EXOG: variants seen among roughly 807,000 people sequenced by gnomAD.
The protein encoded by EXOG is exo/endonuclease G, also known as nuclease EXOG, mitochondrial.
In EXOG, 27 loss-of-function variants were observed where a neutral mutation model predicts 25.8. The observed-to-expected ratio is 1.05, with a 90% confidence interval of 0.77 to 1.45. EXOG has a LOEUF of 1.45. Among genes scored for constraint, EXOG ranks in the 40% most tolerant of loss-of-function variants. The pLI is 0.00. For synonymous variants in EXOG, 133 were observed against 167.0 expected, an observed-to-expected ratio of 0.80 and a Z score of 1.57; for missense variants, 458 against 450.5, an observed-to-expected ratio of 1.02 and a Z score of -0.15.
intron 5 of EXOG, among the ~76,000 whole-genome samples, chr3:38,512,640 A>G (rs1050915688): frequency 3.3e-5 from 5 of 152,146 alleles, no homozygotes; most frequent in Admixed American, 2.0e-4. Context: ...TTGATCTACC[A>G]TTTATACTTG....
Position 38,501,446 on chromosome 3 carries a change from G to A in EXOG, c.405G>A (p.Gly135=). The change falls in exon 3 of 6, where the codon GGG becomes GGA. Residue 135 remains glycine, a synonymous_variant. Transcript: ENST00000287675. The stretch of plus-strand genomic sequence containing the variant: ...TCAATGAAGATTATGTTGGAAGTGG[G>A]TGGTCACGAGGACACATGGCTCCAG... ...SAFNEDYVGS[G]WSRGHMAPAG... The A allele has an allele frequency of 6.2e-7, 1 of 1,613,950 alleles. No individual in the cohort carries two copies. Among genetic ancestry groups the A allele is most frequent in the Non-Finnish European group, 8.5e-7 (1 of 1,179,860 alleles).
intron 4 of EXOG, chr3:38,505,369 G>T (rs1449928283): frequency 6.6e-6 from 1 of 151,638 alleles, no homozygotes; most frequent in Non-Finnish European, 1.5e-5. Flanking sequence ...TCGCATACCT[G>T]TGGAAGCATT....
chr3:38,521,112 TAGAC>T (rs1343571805), intron 5 of EXOG, among the ~76,000 whole-genome samples: 1 of 152,222 alleles, frequency 6.6e-6, no homozygotes, highest in Non-Finnish European at 1.5e-5. Context: ...GTCCCTATAT[TAGAC>T]AGATTAAAGA....
intron 5 of EXOG, chr3:38,523,118 A>G (rs1469590260): frequency 2.2e-6 from 2 of 902,640 alleles, no homozygotes; most frequent in African/African-American, 3.4e-5. Flanking sequence ...TCTAAGGGCT[A>G]TCTGTTTAGT....
At chr3:38,518,797 C>CA (rs1414521546) in intron 5 of EXOG, among the ~76,000 whole-genome samples, 10 of 152,020 alleles carry the variant, frequency 6.6e-5, no homozygotes, top group Non-Finnish European at 1.3e-4. Context: ...TACACCCTTA[C>CA]AAAAAAAGTA....
intron 1 of EXOG, chr3:38,497,281 C>T: frequency 9.7e-7 from 1 of 1,028,696 alleles, no homozygotes; most frequent in Non-Finnish European, 1.2e-6. Flanking sequence ...AAAACAGTAC[C>T]AGTTTTACTG....
At chr3:38,514,409 A>G (rs1250579579) in intron 5 of EXOG, among the ~76,000 whole-genome samples, 1 of 152,222 alleles carries the variant, frequency 6.6e-6, no homozygotes, top group Non-Finnish European at 1.5e-5. Flanking sequence ...GAAAGCTATG[A>G]TGAGATTATA....
intron 5 of EXOG, among the ~76,000 whole-genome samples, chr3:38,509,795 TACTC>T (rs1048622061): frequency 2.8e-4 from 42 of 152,282 alleles, no homozygotes; most frequent in Admixed American, 5.9e-4. Flanking sequence ...TAAGAATACA[TACTC>T]AATAAATATG....
At chr3:38,510,357 A>G (rs2060330316) in intron 5 of EXOG, among the ~76,000 whole-genome samples, 1 of 152,202 alleles carries the variant, frequency 6.6e-6, no homozygotes, top group Non-Finnish European at 1.5e-5. Flanking sequence ...TATTGGGAGA[A>G]TTGGCAACAT....
chr3:38,521,505 G>T (rs2060714337), intron 5 of EXOG, among the ~76,000 whole-genome samples: 1 of 152,232 alleles, frequency 6.6e-6, no homozygotes. Context: ...CCGTTTGTTT[G>T]TAGACAAGGA....
intron 5 of EXOG, among the ~76,000 whole-genome samples, chr3:38,509,709 T>G (rs967336248): frequency 2.0e-5 from 3 of 152,180 alleles, no homozygotes; most frequent in Admixed American, 2.0e-4. Context: ...TGAATCAGCT[T>G]GAAGGAGCTC....
At chr3:38,505,272 C>CT (rs931705792) in intron 4 of EXOG, among the ~76,000 whole-genome samples, 56 of 143,364 alleles carry the variant, frequency 3.9e-4, no homozygotes, top group African/African-American at 5.9e-4. Context: ...ATTTTCCTTT[C>CT]TTTTTTTTTT....
At chr3:38,519,021 A>G (rs1015048278) in intron 5 of EXOG, among the ~76,000 whole-genome samples, 1 of 152,202 alleles carries the variant, frequency 6.6e-6, no homozygotes, top group Admixed American at 6.5e-5. Flanking sequence ...ATAATAAAAG[A>G]TGGTGTGGAT....
chr3:38,519,893 T>C (rs2060659487), intron 5 of EXOG, among the ~76,000 whole-genome samples: 1 of 152,078 alleles, frequency 6.6e-6, no homozygotes, highest in East Asian at 1.9e-4. Context: ...TCATGTTCCT[T>C]CCCCCCCTCA....
chr3:38,522,737 C>T (rs777283077), intron 5 of EXOG, among the ~76,000 whole-genome samples: 2 of 152,224 alleles, frequency 1.3e-5, no homozygotes, highest in Non-Finnish European at 2.9e-5. Context: ...CTCCCAACCT[C>T]AGGAGATCTG....
At chr3:38,511,124 T>C (rs1293752701) in intron 5 of EXOG, among the ~76,000 whole-genome samples, 1 of 152,220 alleles carries the variant, frequency 6.6e-6, no homozygotes, top group Non-Finnish European at 1.5e-5. Flanking sequence ...TCCAAACTTA[T>C]ATTCTTGATT....
rs909660054 is a variant in EXOG at position 38,519,957 on chromosome 3, G to A, written c.646-3944G>A. Among the ~76,000 whole-genome samples, 7 of 152,138 alleles carry A rather than the reference G, an allele frequency of 4.6e-5. No homozygotes were observed. In the South Asian group the frequency reaches 1.2e-3, roughly 27 times the overall value. On this transcript the variant is annotated intron_variant, in intron 5 of 5. Coordinates refer to ENST00000287675, the MANE Select transcript of EXOG (RefSeq NM_005107.4). ...CATGGTTTCTTTCTTTCACTTGATC[G>A]GCATGACTTTTTAAGGGCGTGGTCT...
rs973093213 is a variant in EXOG at position 38,523,803 on chromosome 3, A to C, written c.646-98A>C. On this transcript the variant is annotated intron_variant, in intron 5 of 5. Transcript: ENST00000287675. The stretch of plus-strand genomic sequence containing the variant: ...TTAGAACAGAGTGGGATGGCTTATA[A>C]GTACATTTCAGCAATGCATTAAATA... 2.1e-5 allele frequency: 16 copies of C among 755,572 alleles called. No individual in the cohort carries two copies. In the African/African-American group the frequency reaches 2.8e-4, roughly 13 times the overall value. The allele number at this position is 755,572 out of a possible 1,614,324, so 46.8% of individuals were successfully genotyped here.
chr3:38,526,162 G>C lies in EXOG; in HGVS notation c.*1800G>C. ...CTATCCTGAGTATTGTCAGTAAAAC[G>C]TCTTGGGGCATAAGAACTTGTCTGA... On this transcript the variant is annotated 3_prime_UTR_variant, in exon 6 of 6. Coordinates refer to ENST00000287675, the MANE Select transcript of EXOG (RefSeq NM_005107.4). 1.0e-6 allele frequency: 1 copy of C among 985,296 alleles called. No individual in the cohort carries two copies. Among genetic ancestry groups the C allele is most frequent in the Non-Finnish European group, 1.2e-6 (1 of 829,872 alleles). The allele number at this position is 985,296 out of a possible 1,614,324, so 61.0% of individuals were successfully genotyped here.
Sources: gnomAD v4.1 joint callset for allele counts (sites outside exome capture counted in the v4.1 genomes callset) on GRCh38, gnomAD v4.1.1 for gene constraint, MANE v1.5 for transcripts, NCBI Gene and HGNC (gene_info 2026-07-23, HGNC 2026-07-21) for gene names.